XRCC6: variants seen among roughly 807,000 people sequenced by gnomAD.
The protein encoded by XRCC6 is X-ray repair cross complementing 6.
In XRCC6, 5 loss-of-function variants were observed where a neutral mutation model predicts 65.7. The ratio of observed to expected loss-of-function variants is 0.08; its 90% confidence interval spans 0.04 to 0.16. The LOEUF (loss-of-function observed/expected upper bound fraction) is 0.16. Among genes scored for constraint, XRCC6 ranks in the 10% least tolerant of loss-of-function variants. The pLI, the probability that XRCC6 is intolerant of heterozygous loss-of-function variation, is 1.00. For missense variants in XRCC6, 447 were observed against 738.1 expected, an observed-to-expected ratio of 0.61 and a Z score of 4.57; for synonymous variants, 270 against 270.6, an observed-to-expected ratio of 1.00 and a Z score of 0.02.
chr22:41,661,368 C>T lies in XRCC6; in HGVS notation c.1560C>T (p.Ser520=). The T allele has an allele frequency of 1.2e-6, 2 of 1,614,040 alleles. No homozygotes were observed. The highest frequency in any genetic ancestry group is 1.7e-6 in the Non-Finnish European group (2 of 1,179,982). Residue 520 remains serine, a synonymous_variant, in exon 12 of 13, where the codon TCC becomes TCT. Transcript: ENST00000360079. ...AAGCAATGAATAAAAGACTGGGCTCCTTGGTGGATGAGTTTAAGGAGCTTG... is the reference window on the plus strand; with the variant it reads ...AAGCAATGAATAAAAGACTGGGCTCTTTGGTGGATGAGTTTAAGGAGCTTG... ...KVEAMNKRLG[S]LVDEFKELVY...
chr22:41,653,783 C>A, intron 9 of XRCC6, 93 bp downstream of exon 9: 1 of 1,440,086 alleles, frequency 6.9e-7, no homozygotes, highest in Non-Finnish European at 9.4e-7. Flanking sequence ...GAATCATAGT[C>A]TCTGGGAATG....
chr22:41,653,852 A>G (rs151146542), intron 9 of XRCC6, among the ~76,000 whole-genome samples, 162 bp downstream of exon 9: 11 of 152,270 alleles, frequency 7.2e-5, no homozygotes, highest in African/African-American at 2.6e-4. Context: ...CAGCCAGGTA[A>G]GGCCACTAAA....
chr22:41,640,959 T>C (rs1255734732), intron 6 of XRCC6, among the ~76,000 whole-genome samples: 3 of 152,094 alleles, frequency 2.0e-5, no homozygotes, highest in Non-Finnish European at 4.4e-5. Context: ...TGGTACCTCC[T>C]TGGGTAGGTG....
chr22:41,646,799 G>A lies in XRCC6; in HGVS notation c.774-97G>A, dbSNP rs141969172. 7.8e-5 allele frequency: 81 copies of A among 1,037,386 alleles called. 1 individual carries two copies. The African/African-American group carries it at 1.1e-3, about 14-fold the overall frequency. The allele number at this position is 1,037,386 out of a possible 1,614,324, so 64.3% of individuals were successfully genotyped here. On this transcript the variant is annotated intron_variant, in intron 6 of 12. Transcript: ENST00000360079. ...TTTGAGAGCTTGCTTAGGATTATTG[G>A]AGAGAATAAAACAGTGAAGCTTTGG...
intron 6 of XRCC6, among the ~76,000 whole-genome samples, chr22:41,639,880 G>C (rs2067856370): frequency 6.6e-6 from 1 of 150,384 alleles, no homozygotes; most frequent in South Asian, 2.1e-4. Context: ...GGATGGTCTC[G>C]ATCTCCTGAC....
intron 2 of XRCC6, 45 bp downstream of exon 2, chr22:41,622,131 G>C (rs758094570): frequency 3.8e-6 from 6 of 1,595,188 alleles, no homozygotes; most frequent in Non-Finnish European, 5.2e-6. Context: ...GTGGAAGAAA[G>C]ACCTTCCCTG....
intron 9 of XRCC6, among the ~76,000 whole-genome samples, chr22:41,655,879 G>T (rs2068040302): frequency 6.6e-6 from 1 of 151,660 alleles, no homozygotes. Context: ...TAGTTTTCCT[G>T]TTGCACCTCA....
chr22:41,627,967 C>T, intron 2 of XRCC6, 151 bp from the exon 3 acceptor site: 7 of 494,526 alleles, frequency 1.4e-5, no homozygotes, highest in South Asian at 2.7e-5. Flanking sequence ...TCTGGCAAGA[C>T]TCAATTTCCT....
At position 41,661,240 on chromosome 22, in the gene XRCC6, C is replaced by T. The variant is rs1569099882; in HGVS notation, c.1523-91C>T. 1.9e-5 allele frequency: 21 copies of T among 1,110,240 alleles called. No homozygotes were observed. The East Asian group carries it at 4.5e-4, about 24-fold the overall frequency. The allele number at this position is 1,110,240 out of a possible 1,614,324, so 68.8% of individuals were successfully genotyped here. On this transcript the variant is annotated intron_variant, in intron 11 of 12. Transcript: ENST00000360079. The stretch of plus-strand genomic sequence containing the variant: ...CCTCCCACCTTAGCAGTTAGGTGCT[C>T]TCTCTTCTGGTTCTCAGAGAGTTCT...
At chr22:41,659,452 C>T (rs12169798) in intron 11 of XRCC6, among the ~76,000 whole-genome samples, 3 of 151,962 alleles carry the variant, frequency 2.0e-5, no homozygotes, top group Non-Finnish European at 4.4e-5. Flanking sequence ...GTGATCCGCC[C>T]GCCTTGGCCT....
rs554094117 is a variant in XRCC6, at chr22:41,630,093, C to T, written c.195+1863C>T. On this transcript the variant is annotated intron_variant, in intron 3 of 12. Transcript: ENST00000360079. ...CTGACTCCCTGGTTCAAGCGATTCTCCTGCCTCAGCCTCCCGAGTAGGTGA... is the reference window on the plus strand; with the variant it reads ...CTGACTCCCTGGTTCAAGCGATTCTTCTGCCTCAGCCTCCCGAGTAGGTGA... 7.3e-5 allele frequency among the ~76,000 whole-genome samples: 11 copies of T among 151,040 alleles called. No homozygotes were observed. In the East Asian group the frequency reaches 1.6e-3, roughly 21 times the overall value.
Position 41,651,509 on chromosome 22 carries a change from T to TTA in XRCC6, c.1129+630_1129+631dup, listed in dbSNP as rs1304162758. ...CGGGTGAGGACTGTGGAATTTAGCT[T>TTA]TATATATATATATTTTTTTAATTTA... is the stretch of plus-strand genomic sequence containing the variant. On this transcript the variant is annotated intron_variant, in intron 8 of 12. Coordinates refer to ENST00000360079, the MANE Select transcript of XRCC6 (RefSeq NM_001469.5). Among the ~76,000 whole-genome samples the TTA allele has an allele frequency of 1.2e-4, 18 of 146,556 alleles. No homozygotes were observed. The East Asian group carries it at 3.0e-3, about 25-fold the overall frequency.
chr22:41,621,897 C>G lies in XRCC6; in HGVS notation c.-15-93C>G, dbSNP rs567153148. On this transcript the variant is annotated intron_variant, in intron 1 of 12. Coordinates refer to ENST00000360079, the MANE Select transcript of XRCC6 (RefSeq NM_001469.5). ...TACCGTCCACATTCCTCACTACTAA[C>G]CAAGCTTTTAGAACAGATCTCACAA... is the stretch of plus-strand genomic sequence containing the variant. The G allele has an allele frequency of 2.3e-3, 2,951 of 1,280,184 alleles. 8 individuals are homozygous for G. The highest frequency in any genetic ancestry group is 2.9e-3 in the Non-Finnish European group (2,567 of 893,206). 79.3% of individuals were successfully genotyped at this position (1,280,184 alleles called of 1,614,324 possible).
At chr22:41,631,586 C>G (rs372466661) in intron 3 of XRCC6, among the ~76,000 whole-genome samples, 36 of 120,958 alleles carry the variant, frequency 3.0e-4, no homozygotes, top group African/African-American at 1.1e-3. Flanking sequence ...CGGGCAGAGA[C>G]GCTCCTCACT....
At chr22:41,663,556 CCATGT>C in intron 12 of XRCC6, 61 bp from the exon 13 acceptor site, 1 of 1,535,014 alleles carries the variant, frequency 6.5e-7, no homozygotes, top group Non-Finnish European at 8.9e-7. Context: ...GTCCCCCATG[CCATGT>C]AGCTGGGATG....
At chr22:41,638,793 A>AG (rs1415855196) in intron 6 of XRCC6, among the ~76,000 whole-genome samples, 2 of 151,842 alleles carry the variant, frequency 1.3e-5, no homozygotes, top group African/African-American at 2.4e-5. Context: ...AAAAAAAAAA[A>AG]AAAAAGAAAT....
chr22:41,652,570 T>C (rs2068011079), intron 8 of XRCC6, among the ~76,000 whole-genome samples: 1 of 152,118 alleles, frequency 6.6e-6, no homozygotes, highest in African/African-American at 2.4e-5. Flanking sequence ...TTTGCTATGT[T>C]GGGCAGGCTG....
At chr22:41,657,926 C>CA (rs1373038008) in intron 10 of XRCC6, among the ~76,000 whole-genome samples, 2 of 151,870 alleles carry the variant, frequency 1.3e-5, no homozygotes, top group Non-Finnish European at 2.9e-5. Flanking sequence ...TGGACTCAAG[C>CA]AGTCTTCCTG....
intron 11 of XRCC6, among the ~76,000 whole-genome samples, chr22:41,659,935 C>T (rs1395760820): frequency 6.6e-6 from 1 of 152,192 alleles, no homozygotes; most frequent in Non-Finnish European, 1.5e-5. Flanking sequence ...ATCCACCCGC[C>T]TCGGCCTCCC....
Sources: gnomAD v4.1 joint callset for allele counts (sites outside exome capture counted in the v4.1 genomes callset) on GRCh38, gnomAD v4.1.1 for gene constraint, MANE v1.5 for transcripts, NCBI Gene and HGNC (gene_info 2026-07-23, HGNC 2026-07-21) for gene names.